The following ENGASE variants were observed in gnomAD, a reference collection of about 807,000 sequenced individuals.
ENGASE encodes the protein cytosolic endo-beta-N-acetylglucosaminidase.
Under a neutral mutation model 78.5 loss-of-function variants are expected in ENGASE, and 69 were observed. The observed-to-expected ratio is 0.88, with a 90% CI of 0.72 to 1.07. The LOEUF is 1.07. Ranked by LOEUF, ENGASE falls within the 50% of genes least tolerant of loss-of-function variation. The probability of loss-of-function intolerance (pLI) is 0.00; values close to 1 mark genes in which losing one functional copy is unlikely to be tolerated. For missense variants in ENGASE, 943 were observed against 988.4 expected, an observed-to-expected ratio of 0.95 and a Z score of 0.62; for synonymous variants, 408 against 408.9, an observed-to-expected ratio of 1.00 and a Z score of 0.03.
chr17:79,079,953 C>T (rs2073083233), intron 4 of ENGASE, among the ~76,000 whole-genome samples: 1 of 152,358 alleles, frequency 6.6e-6, no homozygotes. Context: ...CCAAGGGCCA[C>T]GGTTTGCCGA....
At chr17:79,085,539 C>T in intron 12 of ENGASE, 81 bp from the exon 13 acceptor site, 3 of 1,573,984 alleles carry the variant, frequency 1.9e-6, no homozygotes, top group Non-Finnish European at 2.6e-6. Context: ...CTCCCTTCTG[C>T]TGTGGCTTGG....
At chr17:79,082,546 G>C (rs568492241) in intron 7 of ENGASE, 1 of 1,218,656 alleles carries the variant, frequency 8.2e-7, no homozygotes, top group Non-Finnish European at 1.0e-6. Flanking sequence ...AGGAAGGAGC[G>C]GGGCCAGGCC....
chr17:79,084,304 C>A (rs1195003079), intron 10 of ENGASE: 1 of 490,940 alleles, frequency 2.0e-6, no homozygotes, highest in Non-Finnish European at 3.5e-6. Flanking sequence ...ACTTTAGATG[C>A]CCCATATGAG....
intron 7 of ENGASE, 120 bp downstream of exon 7, chr17:79,082,183 GAGTGGGGATCCCGTGGCA>G: frequency 6.3e-7 from 1 of 1,583,670 alleles, no homozygotes; most frequent in Non-Finnish European, 8.6e-7. Context: ...GTTCTTCCCA[GAGTGGGGATCCCGTGGCA>G]CTGAGAAACA....
chr17:79,080,840 C>T lies in ENGASE; in HGVS notation c.724-85C>T, dbSNP rs925055057. ...GCCTGTGGGTCTGTTTGCTCTGCAT[C>T]CCCCTGTCTGTCCAGCGCTGGATAC... On this transcript the variant is annotated intron_variant, in intron 5 of 13. Transcript: ENST00000579016. 14 of 1,498,568 alleles carry T rather than the reference C, an allele frequency of 9.3e-6. 1 individual carries two copies. In the South Asian group the frequency reaches 1.4e-4, roughly 14 times the overall value. 92.8% of individuals were successfully genotyped at this position (1,498,568 alleles called of 1,614,324 possible). A position where few individuals can be genotyped will look rare whatever the true frequency, so the allele number is the denominator to read the frequency against.
At chr17:79,077,113 C>T (rs545874579) in intron 1 of ENGASE, among the ~76,000 whole-genome samples, 3 of 152,258 alleles carry the variant, frequency 2.0e-5, no homozygotes, top group Non-Finnish European at 2.9e-5. Flanking sequence ...TCAGGTGATT[C>T]GCCTGCCTTG....
At chr17:79,082,213 G>T in intron 7 of ENGASE, 150 bp downstream of exon 7, 2 of 1,557,002 alleles carry the variant, frequency 1.3e-6, no homozygotes, top group Non-Finnish European at 1.7e-6. Flanking sequence ...TGAGAAACAG[G>T]TGTCCTGCCC....
At chr17:79,079,351 A>C in intron 3 of ENGASE, 138 bp from the exon 4 acceptor site, 3 of 904,080 alleles carry the variant, frequency 3.3e-6, no homozygotes, top group Non-Finnish European at 5.0e-6. Context: ...TTTTGTGGGG[A>C]GAGATGGGGT....
intron 1 of ENGASE, among the ~76,000 whole-genome samples, chr17:79,076,267 A>G (rs1208587791): frequency 6.6e-6 from 1 of 152,196 alleles, no homozygotes; most frequent in African/African-American, 2.4e-5. Context: ...CTGCTCCTAA[A>G]ATAATAATGA....
intron 1 of ENGASE, among the ~76,000 whole-genome samples, chr17:79,076,531 T>A (rs1448072340): frequency 6.6e-6 from 1 of 152,186 alleles, no homozygotes; most frequent in Admixed American, 6.5e-5. Flanking sequence ...ACCACCTTAC[T>A]CCAGCCTGGG....
In ENGASE at chr17:79,085,110, G is replaced by C; in HGVS notation, c.1592-124G>C. The C allele has an allele frequency of 5.2e-6, 4 of 773,318 alleles. No individual in the cohort carries two copies. The Middle Eastern group carries it at 7.1e-4, about 137-fold the overall frequency. The allele number at this position is 773,318 out of a possible 1,614,324, so 47.9% of individuals were successfully genotyped here. A position where few individuals can be genotyped will look rare whatever the true frequency, so the allele number is the denominator to read the frequency against. On this transcript the variant is annotated intron_variant, in intron 11 of 13. Coordinates refer to ENST00000579016, the MANE Select transcript of ENGASE (RefSeq NM_001042573.3). Reference sequence around the variant, plus strand: ...GGAGTCCTTGCTGGTTGCTTCTTGGGACCCGCGAGCGTCTGGCCGAATCAG... The same window carrying C: ...GGAGTCCTTGCTGGTTGCTTCTTGGCACCCGCGAGCGTCTGGCCGAATCAG...
intron 1 of ENGASE, among the ~76,000 whole-genome samples, chr17:79,075,439 G>A (rs2072945738): frequency 6.6e-6 from 1 of 152,282 alleles, no homozygotes; most frequent in African/African-American, 2.4e-5. Context: ...CGGCGGCGGT[G>A]CTCATGCCTG....
intron 6 of ENGASE, among the ~76,000 whole-genome samples, chr17:79,081,480 C>G (rs1423940369): frequency 2.6e-5 from 4 of 151,996 alleles, no homozygotes; most frequent in Admixed American, 2.6e-4. Flanking sequence ...CCAGCCTGAG[C>G]GACAGAGCGA....
At position 79,083,470 on chromosome 17, in the gene ENGASE, T is replaced by G; in HGVS notation, c.1143-12T>G. The G allele has an allele frequency of 6.2e-7, 1 of 1,607,958 alleles. No individual in the cohort carries two copies. ...CCTCCGGACCGAGCTGTTGCCCCCA[T>G]GTCTCTGGCAGGTTCTGGGGCCGAC... On this transcript the variant is annotated splice_polypyrimidine_tract_variant and intron_variant, in intron 8 of 13. Coordinates refer to ENST00000579016, the MANE Select transcript of ENGASE (RefSeq NM_001042573.3). The surrounding 1 kb of genome is among the most constrained non-coding windows in gnomAD (Gnocchi z 4.9).
chr17:79,082,547 G>A, intron 7 of ENGASE: 1 of 1,219,944 alleles, frequency 8.2e-7, no homozygotes, highest in Non-Finnish European at 1.0e-6. Context: ...GGAAGGAGCG[G>A]GGCCAGGCCG....
chr17:79,085,845 G>C, intron 13 of ENGASE, 88 bp from the exon 14 acceptor site: 3 of 1,588,154 alleles, frequency 1.9e-6, no homozygotes, highest in Non-Finnish European at 1.7e-6. Context: ...AACTGGGGTG[G>C]AGGAGTCAGG....
At position 79,081,819 on chromosome 17, in the gene ENGASE, G is replaced by C. The variant is rs1045941419; in HGVS notation, c.873-79G>C. Reference sequence around the variant, plus strand: ...TCCCTCTGAGTACTAGGAGGGGAAAGGCTGAGACTGCAGGGTTGGTGGGGG... The same window carrying C: ...TCCCTCTGAGTACTAGGAGGGGAAACGCTGAGACTGCAGGGTTGGTGGGGG... On this transcript the variant is annotated intron_variant, in intron 6 of 13. Transcript: ENST00000579016. 2.7e-5 allele frequency: 41 copies of C among 1,526,492 alleles called. No homozygotes were observed. In the South Asian group the frequency reaches 4.8e-4, roughly 18 times the overall value. The allele number at this position is 1,526,492 out of a possible 1,614,324, so 94.6% of individuals were successfully genotyped here.
Position 79,084,538 on chromosome 17 carries a change from G to A in ENGASE, c.1443G>A (p.Arg481=). The A allele has an allele frequency of 1.3e-6, 2 of 1,567,332 alleles. No individual in the cohort carries two copies. Among genetic ancestry groups the A allele is most frequent in the Non-Finnish European group, 1.7e-6 (2 of 1,162,210 alleles). ...CCCATCACAGGACCTTTTTCCCCAG[G>A]TTATTTTCCCTGCAGGCCCCAGTGC... ...IPPEVGNVAV[R]LFSLQAPVPP... The change falls in exon 11 of 14, where the codon AGG becomes AGA. Residue 481 remains arginine (R), a splice_region_variant and synonymous_variant. Coordinates refer to ENST00000579016, the MANE Select transcript of ENGASE (RefSeq NM_001042573.3).
chr17:79,075,220 T>G (rs926380908), intron 1 of ENGASE, 130 bp downstream of exon 1: 42 of 1,063,806 alleles, frequency 3.9e-5, no homozygotes, highest in Non-Finnish European at 4.8e-5. Flanking sequence ...CCGTGCACAG[T>G]AAGGGACAGA....
Sources: gnomAD v4.1 joint callset for allele counts (sites outside exome capture counted in the v4.1 genomes callset) on GRCh38, gnomAD v4.1.1 for gene constraint, Gnocchi (gnomAD v3.1) non-coding constraint, MANE v1.5 for transcripts, NCBI Gene and HGNC (gene_info 2026-07-23, HGNC 2026-07-21) for gene names.